The following ERCC6L2 variants were observed in gnomAD, a reference collection of about 807,000 sequenced individuals.
ERCC6L2 encodes the protein ERCC excision repair 6 like 2, also known as DNA excision repair protein ERCC-6-like 2.
A neutral mutation model predicts 132.0 loss-of-function variants in ERCC6L2; 77 were observed. The ratio of observed to expected loss-of-function variants is 0.58; its 90% confidence interval spans 0.49 to 0.71. The LOEUF (loss-of-function observed/expected upper bound fraction) is 0.71. ERCC6L2 is among the 30% of genes least tolerant of loss of function. The pLI is 0.00. For synonymous variants in ERCC6L2, 583 were observed against 632.4 expected, an observed-to-expected ratio of 0.92 and a Z score of 1.17; for missense variants, 1,542 against 1,837.6, an observed-to-expected ratio of 0.84 and a Z score of 2.94.
At chr9:96,005,696 A>G (rs767645422) in intron 18 of ERCC6L2, among the ~76,000 whole-genome samples, 3 of 151,678 alleles carry the variant, frequency 2.0e-5, no homozygotes, top group Non-Finnish European at 2.9e-5. Context: ...GAGCATGCCA[A>G]CCCTTGGGGG....
intron 14 of ERCC6L2, among the ~76,000 whole-genome samples, chr9:95,970,285 C>T (rs1444208283): frequency 2.6e-5 from 4 of 151,972 alleles, no homozygotes; most frequent in African/African-American, 9.7e-5. Flanking sequence ...CTTCACTCTC[C>T]CTCTTCCCAC....
At position 95,907,119 on chromosome 9, in the gene ERCC6L2, G is replaced by A; in HGVS notation, c.636G>A (p.Trp212Ter). 1.2e-6 allele frequency: 2 copies of A among 1,612,752 alleles called. No individual in the cohort carries two copies. The highest frequency in any genetic ancestry group is 8.5e-7 in the Non-Finnish European group (1 of 1,179,530). ...CTCCTCTTTCTGTCCTCTACAACTG[G>A]AAGGATGAATTGGACACCTGGGGAT... is the stretch of plus-strand genomic sequence containing the variant. The part of the protein sequence containing the change: ...IVAPLSVLYN[W>*]KDELDTWGYF... The change falls in exon 4 of 19, where the codon TGG becomes TGA. Residue 212 changes from tryptophan to a stop codon, truncating the protein, a stop_gained. Coordinates refer to ENST00000653738, the MANE Select transcript of ERCC6L2 (RefSeq NM_020207.7). LOFTEE classifies it high-confidence loss of function.
chr9:95,949,935 A>G (rs1831250700), intron 12 of ERCC6L2, among the ~76,000 whole-genome samples: 1 of 152,014 alleles, frequency 6.6e-6, no homozygotes, highest in Non-Finnish European at 1.5e-5. Context: ...TGAACCTGGG[A>G]GACGGAGCTT....
chr9:95,942,084 T>G (rs867207425), intron 12 of ERCC6L2, among the ~76,000 whole-genome samples: 2 of 152,128 alleles, frequency 1.3e-5, no homozygotes, highest in Non-Finnish European at 2.9e-5. Flanking sequence ...ACTCTTTGAT[T>G]AAAGCTGAAA....
At chr9:96,021,648 G>T (rs1834292148), downstream of ERCC6L2, 1 of 154,928 alleles carries the variant, frequency 6.5e-6, no homozygotes, top group Non-Finnish European at 1.4e-5. The surrounding 1 kb of genome is among the most constrained non-coding windows in gnomAD (Gnocchi z 4.7). Flanking sequence ...GGCCGCCGGG[G>T]GCCCAGGCAC....
At chr9:95,986,873 T>G (rs933072627) in intron 17 of ERCC6L2, among the ~76,000 whole-genome samples, 2 of 152,162 alleles carry the variant, frequency 1.3e-5, no homozygotes, top group East Asian at 1.9e-4. Flanking sequence ...CTGGGTAATT[T>G]ATAAAGAAAA....
chr9:95,875,966 C>T lies in ERCC6L2; in HGVS notation c.-73C>T. 1 of 1,515,920 alleles carries T rather than the reference C, an allele frequency of 6.6e-7. No homozygotes were observed. The highest frequency in any genetic ancestry group is 8.9e-7 in the Non-Finnish European group (1 of 1,121,776). 93.9% of individuals were successfully genotyped at this position (1,515,920 alleles called of 1,614,324 possible). A position where few individuals can be genotyped will look rare whatever the true frequency, so the allele number is the denominator to read the frequency against. ...GCGTTGGCCGCCATTGGCCTGCCGG[C>T]CAGCCACCTTGCTGTCCTCCGCCGC... is the stretch of plus-strand genomic sequence containing the variant. On this transcript the variant is annotated 5_prime_UTR_variant, in exon 1 of 19. Coordinates refer to ENST00000653738, the MANE Select transcript of ERCC6L2 (RefSeq NM_020207.7).
At chr9:96,024,221 G>A (rs912049982) in intron 19 of ERCC6L2, among the ~76,000 whole-genome samples, 4 of 152,182 alleles carry the variant, frequency 2.6e-5, no homozygotes, top group South Asian at 2.1e-4. Flanking sequence ...CTTGCACCAC[G>A]TAACCCCAAA....
rs1206697077 is a variant in ERCC6L2, at chr9:95,922,352, T to C, written c.1347T>C (p.Leu449=). 1 of 1,613,594 alleles carries C rather than the reference T, an allele frequency of 6.2e-7. No individual in the cohort carries two copies. The change falls in exon 8 of 19, where the codon CTT becomes CTC. Residue 449 remains leucine (L), a synonymous_variant. Coordinates refer to ENST00000653738, the MANE Select transcript of ERCC6L2 (RefSeq NM_020207.7). The part of the protein sequence containing the change: ...ETVKTLYLSY[L]TVLQKVANHV... ...TGAAAACCTTGTATCTCAGTTACCT[T>C]ACAGTCCTTCAGAAGGTAGCTAACC...
chr9:95,979,140 G>T (rs1371483713), intron 17 of ERCC6L2, among the ~76,000 whole-genome samples: 1 of 152,228 alleles, frequency 6.6e-6, no homozygotes, highest in Non-Finnish European at 1.5e-5. Flanking sequence ...TATTAAAATG[G>T]CTAATTTTAT....
intron 2 of ERCC6L2, among the ~76,000 whole-genome samples, chr9:95,885,350 G>A (rs73656582): frequency 6.6e-6 from 1 of 152,120 alleles, no homozygotes; most frequent in South Asian, 2.1e-4. Flanking sequence ...TCACAGCCAA[G>A]ACGATGAACA....
intron 11 of ERCC6L2, among the ~76,000 whole-genome samples, chr9:95,931,200 A>T (rs904281181): frequency 6.6e-6 from 1 of 152,156 alleles, no homozygotes. Context: ...TCAAATTTCA[A>T]TCATGACTTT....
At chr9:95,926,601 A>C (rs1052842403) in intron 9 of ERCC6L2, among the ~76,000 whole-genome samples, 7 of 152,182 alleles carry the variant, frequency 4.6e-5, no homozygotes, top group South Asian at 4.1e-4. Flanking sequence ...AGTAAAAAGA[A>C]CAGTGGTTGC....
At chr9:95,888,496 A>C (rs1827993820) in intron 2 of ERCC6L2, among the ~76,000 whole-genome samples, 1 of 152,218 alleles carries the variant, frequency 6.6e-6, no homozygotes, top group African/African-American at 2.4e-5. Flanking sequence ...ACTATTCCAC[A>C]ATAAAACATG....
chr9:95,996,131 A>G (rs902721986), intron 17 of ERCC6L2, among the ~76,000 whole-genome samples: 1 of 152,250 alleles, frequency 6.6e-6, no homozygotes, highest in South Asian at 2.1e-4. Context: ...AAGGAGATTA[A>G]AAGTGCTACT....
rs1322545493 is a variant in ERCC6L2 at position 96,012,772 on chromosome 9, A to G, written c.4222A>G (p.Arg1408Gly). 2 of 1,367,540 alleles carry G rather than the reference A, an allele frequency of 1.5e-6. No homozygotes were observed. Among genetic ancestry groups the G allele is most frequent in the African/African-American group, 3.0e-5 (2 of 67,762 alleles). The allele number at this position is 1,367,540 out of a possible 1,614,324, so 84.7% of individuals were successfully genotyped here. Residue 1408 changes from arginine (R) to glycine (G), a missense_variant, in exon 19 of 19, where the codon AGA (arginine) becomes GGA (glycine). Around this residue, in one of 4 missense-constraint regions of ERCC6L2, gnomAD observed 442 missense variants for 583.4 expected, o/e 0.76. Coordinates refer to ENST00000653738, the MANE Select transcript of ERCC6L2 (RefSeq NM_020207.7). ...CATGAAAGACCAACAGGACCTCACA[A>G]GAACGGGCATTTCAAGAAAAGAACC... ...NTMKDQQDLT[R>G]TGISRKEPLL...
chr9:95,988,352 T>G (rs1218507281), intron 17 of ERCC6L2, among the ~76,000 whole-genome samples: 1 of 152,214 alleles, frequency 6.6e-6, no homozygotes, highest in African/African-American at 2.4e-5. Flanking sequence ...CTCACCGCTT[T>G]TACAGCAAGA....
chr9:96,014,339 G>A lies in ERCC6L2; in HGVS notation c.*1136G>A. On this transcript the variant is annotated 3_prime_UTR_variant, in exon 19 of 19. Transcript: ENST00000653738. ...GGAACTGGCTGTGCTAAAGAGCACT[G>A]CTATCAAGTTGAGGAGAGAGGGCTT... 6.6e-6 allele frequency: 1 copy of A among 152,232 alleles called. No individual in the cohort carries two copies. 9.4% of individuals were successfully genotyped at this position (152,232 alleles called of 1,614,324 possible). A position where few individuals can be genotyped will look rare whatever the true frequency, so the allele number is the denominator to read the frequency against.
chr9:95,928,890 G>T (rs115095666), intron 11 of ERCC6L2, 26 bp downstream of exon 11: 3 of 1,440,960 alleles, frequency 2.1e-6, no homozygotes, highest in African/African-American at 2.9e-5. Context: ...TTAATAACTA[G>T]ATTTTTATCC....
Sources: allele counts gnomAD v4.1 joint callset (sites outside exome capture counted in the v4.1 genomes callset), GRCh38; gene constraint gnomAD v4.1.1; regional missense constraint gnomAD v4.1.1; non-coding constraint Gnocchi (gnomAD v3.1); transcripts MANE v1.5; gene names NCBI Gene and HGNC (gene_info 2026-07-23, HGNC 2026-07-21).